LRRC25: variants seen among roughly 807,000 people sequenced by gnomAD.
The protein encoded by LRRC25 is leucine-rich repeat-containing protein 25.
A neutral mutation model predicts 18.8 loss-of-function variants in LRRC25; 5 were observed. The observed-to-expected ratio is 0.27, with a 90% CI of 0.14 to 0.56. LRRC25 has a LOEUF of 0.56. LRRC25 is among the 20% of genes least tolerant of loss of function. LRRC25 has a pLI of 0.93. For synonymous variants in LRRC25, 161 were observed against 176.8 expected (o/e 0.91, Z 0.71); for missense variants, 341 against 389.8 (o/e 0.87, Z 1.05).
At position 18,397,012 on chromosome 19, in the gene LRRC25, C is replaced by T. The variant is rs759205726; in HGVS notation, c.-49G>A. ...CGGAATCCTAGCCCTGACCTCAGCCCTGTGGTCGCCCTCGCCTCCACCGCC... is the reference window on the plus strand; with the variant it reads ...CGGAATCCTAGCCCTGACCTCAGCCTTGTGGTCGCCCTCGCCTCCACCGCC... On this transcript the variant is annotated 5_prime_UTR_variant, in exon 1 of 2. Transcript: ENST00000339007. 2 of 1,545,906 alleles carry T rather than the reference C, an allele frequency of 1.3e-6. No individual in the cohort carries two copies. The highest frequency in any genetic ancestry group is 2.3e-5 in the East Asian group (1 of 44,096).
In LRRC25 at chr19:18,396,901, T is replaced by C. The variant is rs747100853; in HGVS notation, c.63A>G (p.Leu21=). Residue 21 remains leucine (L), a synonymous_variant, in exon 1 of 2, where the codon CTA becomes CTG. Transcript: ENST00000339007. Reference sequence around the variant, plus strand: ...CGGAGGACACGGTGCACGACGGTTCTAGGCTGTCTGACTCCCGCAGCAGCA... The same window carrying C: ...CGGAGGACACGGTGCACGACGGTTCCAGGCTGTCTGACTCCCGCAGCAGCA... ...LPLLLRESDS[L]EPSCTVSSAD... 3.3e-5 allele frequency: 53 copies of C among 1,612,884 alleles called. No homozygotes were observed. Among genetic ancestry groups the C allele is most frequent in the South Asian group, 1.4e-4 (13 of 91,080 alleles).
intron 1 of LRRC25, among the ~76,000 whole-genome samples, chr19:18,394,288 CT>C (rs946187395): frequency 1.3e-5 from 2 of 149,476 alleles, no homozygotes; most frequent in Non-Finnish European, 3.0e-5. Context: ...CTTTTCTTTT[CT>C]TTTTTTCTTT....
In LRRC25 at chr19:18,396,690, C is replaced by A. The variant is rs761253618; in HGVS notation, c.274G>T (p.Val92Leu). 2.5e-6 allele frequency: 4 copies of A among 1,614,058 alleles called. No individual in the cohort carries two copies. Among genetic ancestry groups the A allele is most frequent in the Non-Finnish European group, 2.5e-6 (3 of 1,180,002 alleles). ...ACACGAGACAAGGGGTTGCGTAGCA[C>A]GTTCAGGACCTCAAGCTTCTGCAGG... is the stretch of plus-strand genomic sequence containing the variant. ...AHLQKLEVLN[V>L]LRNPLSRVDG... is the part of the protein sequence containing the mutation. Residue 92 changes from valine (V) to leucine (L), a missense_variant, in exon 1 of 2, where the codon GTG becomes TTG. Physicochemically the swap from Val to Leu is conservative, Grantham distance 32. Coordinates refer to ENST00000339007, the MANE Select transcript of LRRC25 (RefSeq NM_145256.3).
In LRRC25 at chr19:18,391,772, G is replaced by A; in HGVS notation, c.*215C>T. On this transcript the variant is annotated 3_prime_UTR_variant, in exon 2 of 2. Transcript: ENST00000339007. ...CAGTGACCGTCCTGTCCCCTTGTTG[G>A]GGGTCTCTCCTCTTCCCCCTCTAGG... The A allele has an allele frequency of 1.9e-6, 1 of 522,216 alleles. No individual in the cohort carries two copies. Among genetic ancestry groups the A allele is most frequent in the South Asian group, 2.3e-5 (1 of 44,402 alleles). The allele number at this position is 522,216 out of a possible 1,614,324, so 32.3% of individuals were successfully genotyped here.
In LRRC25 at chr19:18,396,999, C is replaced by T. The variant is rs1375840940; in HGVS notation, c.-36G>A. On this transcript the variant is annotated 5_prime_UTR_variant, in exon 1 of 2. Coordinates refer to ENST00000339007, the MANE Select transcript of LRRC25 (RefSeq NM_145256.3). ...TACGTAGAGACACCGGAATCCTAGC[C>T]CTGACCTCAGCCCTGTGGTCGCCCT... 1.9e-6 allele frequency: 3 copies of T among 1,573,076 alleles called. No individual in the cohort carries two copies. Among genetic ancestry groups the T allele is most frequent in the Non-Finnish European group, 2.6e-6 (3 of 1,160,768 alleles).
intron 1 of LRRC25, among the ~76,000 whole-genome samples, chr19:18,392,717 C>T (rs952966122): frequency 3.3e-5 from 5 of 152,072 alleles, no homozygotes; most frequent in African/African-American, 4.8e-5. Flanking sequence ...CGGCCAGGCG[C>T]GGTGACTCAT....
At chr19:18,395,070 C>T (rs1253855016) in intron 1 of LRRC25, among the ~76,000 whole-genome samples, 1 of 151,594 alleles carries the variant, frequency 6.6e-6, no homozygotes, top group African/African-American at 2.4e-5. Context: ...CAGAATGACA[C>T]TGTCTCAAAA....
chr19:18,392,197 G>GA, intron 1 of LRRC25, 72 bp from the exon 2 acceptor site: 1 of 1,540,880 alleles, frequency 6.5e-7, no homozygotes, highest in South Asian at 1.1e-5. Flanking sequence ...TGAGCTTTGA[G>GA]AAAGTCCAGA....
chr19:18,396,895 C>T lies in LRRC25; in HGVS notation c.69G>A (p.Pro23=). ...LLLRESDSLE[P]SCTVSSADVD... ...CATCCGCGGAGGACACGGTGCACGA[C>T]GGTTCTAGGCTGTCTGACTCCCGCA... is the stretch of plus-strand genomic sequence containing the variant. The change falls in exon 1 of 2, where the codon CCG becomes CCA. Residue 23 remains proline, a synonymous_variant. Coordinates refer to ENST00000339007, the MANE Select transcript of LRRC25 (RefSeq NM_145256.3). The T allele has an allele frequency of 6.2e-7, 1 of 1,613,226 alleles. No homozygotes were observed. Among genetic ancestry groups the T allele is most frequent in the Middle Eastern group, 1.7e-4 (1 of 6,058 alleles).
At chr19:18,395,467 C>T (rs539095693) in intron 1 of LRRC25, among the ~76,000 whole-genome samples, 1 of 152,132 alleles carries the variant, frequency 6.6e-6, no homozygotes, top group African/African-American at 2.4e-5. Context: ...GGGGCTGTCC[C>T]CACTCTATGG....
Position 18,396,210 on chromosome 19 carries a change from C to G in LRRC25, c.754G>C (p.Ala252Pro). Residue 252 changes from alanine to proline, a missense_variant, in exon 1 of 2, where the codon GCC becomes CCC. By Grantham distance (27) the Ala-to-Pro change is conservative (BLOSUM62 -1). Transcript: ENST00000339007. The part of the protein sequence containing the change: ...YENMFVGQPA[A>P]EHQWDEQGAH... ...CCTTGTTCATCCCACTGGTGCTCGGCTGCTGGCTGGCCCACAAACATGTTC... is the reference window on the plus strand; with the variant it reads ...CCTTGTTCATCCCACTGGTGCTCGGGTGCTGGCTGGCCCACAAACATGTTC... The G allele has an allele frequency of 6.2e-7, 1 of 1,604,582 alleles. No individual in the cohort carries two copies. Among genetic ancestry groups the G allele is most frequent in the South Asian group, 1.1e-5 (1 of 90,518 alleles).
At chr19:18,393,102 T>C (rs796107227) in intron 1 of LRRC25, among the ~76,000 whole-genome samples, 97 of 152,382 alleles carry the variant, frequency 6.4e-4, no homozygotes, top group African/African-American at 2.3e-3. Context: ...CACAAGTGGC[T>C]GCACCCACAC....
At chr19:18,394,752 G>A (rs543638494) in intron 1 of LRRC25, among the ~76,000 whole-genome samples, 5 of 152,130 alleles carry the variant, frequency 3.3e-5, no homozygotes, top group Non-Finnish European at 7.4e-5. Context: ...CACCAACCTA[G>A]AAAAGTTCAA....
At chr19:18,396,027 C>G (rs1274078269) in intron 1 of LRRC25, among the ~76,000 whole-genome samples, 158 bp downstream of exon 1, 1 of 152,134 alleles carries the variant, frequency 6.6e-6, no homozygotes, top group Non-Finnish European at 1.5e-5. Flanking sequence ...AGTCCTCTCC[C>G]CATTTTATAG....
chr19:18,395,576 G>GCCT (rs1382039363), intron 1 of LRRC25, among the ~76,000 whole-genome samples: 3 of 152,040 alleles, frequency 2.0e-5, no homozygotes, highest in African/African-American at 4.8e-5. Context: ...TCAAGCAGTT[G>GCCT]CCTCCTGTCT....
At chr19:18,394,791 C>T (rs1005873662) in intron 1 of LRRC25, among the ~76,000 whole-genome samples, 1 of 152,182 alleles carries the variant, frequency 6.6e-6, no homozygotes, top group African/African-American at 2.4e-5. Flanking sequence ...GCAAAATCAT[C>T]CAGAAGCCGG....
At chr19:18,395,090 G>C (rs1053635907) in intron 1 of LRRC25, among the ~76,000 whole-genome samples, 28 of 151,552 alleles carry the variant, frequency 1.8e-4, no homozygotes, top group African/African-American at 6.6e-4. Context: ...AAAAAATGTC[G>C]GCTGGGCGCG....
At position 18,396,994 on chromosome 19, in the gene LRRC25, C is replaced by G; in HGVS notation, c.-31G>C. ...CAACCTACGTAGAGACACCGGAATC[C>G]TAGCCCTGACCTCAGCCCTGTGGTC... On this transcript the variant is annotated 5_prime_UTR_variant, in exon 1 of 2. Transcript: ENST00000339007. The G allele has an allele frequency of 6.3e-7, 1 of 1,577,828 alleles. No individual in the cohort carries two copies. The highest frequency in any genetic ancestry group is 8.6e-7 in the Non-Finnish European group (1 of 1,163,026).
chr19:18,391,156 T>C lies in LRRC25; in HGVS notation c.*831A>G, dbSNP rs1971891518. On this transcript the variant is annotated 3_prime_UTR_variant, in exon 2 of 2. Coordinates refer to ENST00000339007, the MANE Select transcript of LRRC25 (RefSeq NM_145256.3). ...AGAATATTAGAGCTAAAGGAATATA[T>C]ACATTTTTTTATTTTGGGGTTGGTG... 1 of 152,204 alleles carries C rather than the reference T, an allele frequency of 6.6e-6. No homozygotes were observed. The highest frequency in any genetic ancestry group is 2.4e-5 in the African/African-American group (1 of 41,434). The allele number at this position is 152,204 out of a possible 1,614,324, so 9.4% of individuals were successfully genotyped here.
Sources: gnomAD v4.1 joint callset for allele counts (sites outside exome capture counted in the v4.1 genomes callset) on GRCh38, gnomAD v4.1.1 for gene constraint, MANE v1.5 for transcripts, NCBI Gene and HGNC (gene_info 2026-07-23, HGNC 2026-07-21) for gene names.